CLNK: variants seen among roughly 807,000 people sequenced by gnomAD.
The protein encoded by CLNK is cytokine dependent hematopoietic cell linker, also known as cytokine-dependent hematopoietic cell linker.
CLNK carries 74 observed loss-of-function variants against 68.6 expected under a neutral mutation model. The observed-to-expected ratio is 1.08, with a 90% CI of 0.89 to 1.31. The LOEUF (loss-of-function observed/expected upper bound fraction) is 1.31, where lower values mean the gene tolerates loss of function less well. Among genes scored for constraint, CLNK ranks in the 50% most tolerant of loss-of-function variants. The probability of loss-of-function intolerance (pLI) is 0.00; values close to 1 mark genes in which losing one functional copy is unlikely to be tolerated. For missense variants in CLNK, 553 were observed against 515.3 expected (o/e 1.07, Z -0.71); for synonymous variants, 198 against 172.2 (o/e 1.15, Z -1.17).
upstream of CLNK, among the ~76,000 whole-genome samples, chr4:10,687,265 T>C (rs1269194940): frequency 4.0e-5 from 6 of 149,432 alleles, no homozygotes; most frequent in African/African-American, 1.5e-4. Context: ...AATAGAGAGG[T>C]ATTGAACAAG....
At chr4:10,648,463 T>C (rs1723598377) in intron 2 of CLNK, among the ~76,000 whole-genome samples, 1 of 152,206 alleles carries the variant, frequency 6.6e-6, no homozygotes, top group Non-Finnish European at 1.5e-5. Context: ...AGATTGGAAC[T>C]GTGGTCTGGT....
At chr4:10,676,696 AAGAT>A (rs1438741277) in intron 1 of CLNK, among the ~76,000 whole-genome samples, 6 of 152,162 alleles carry the variant, frequency 3.9e-5, no homozygotes, top group Non-Finnish European at 5.9e-5. Flanking sequence ...CTTTAGTGGT[AAGAT>A]TCTTTCTCTC....
chr4:10,569,046 G>T (rs1242812502), intron 5 of CLNK, among the ~76,000 whole-genome samples: 2 of 152,156 alleles, frequency 1.3e-5, no homozygotes, highest in Non-Finnish European at 2.9e-5. Context: ...TTGTGCTAAA[G>T]CTGACACCAT....
chr4:10,519,780 A>C (rs777675200), intron 15 of CLNK, among the ~76,000 whole-genome samples: 2 of 152,176 alleles, frequency 1.3e-5, no homozygotes, highest in Non-Finnish European at 2.9e-5. Flanking sequence ...AAAAAAGGAC[A>C]TTAAAATGTA....
the CLNK span, among the ~76,000 whole-genome samples, chr4:10,725,833 G>A: frequency 5.3e-5 from 8 of 150,790 alleles, no homozygotes; most frequent in Admixed American, 2.0e-4. Flanking sequence ...CAGCCTGGGC[G>A]ACAGAGGGAG....
intron 11 of CLNK, among the ~76,000 whole-genome samples, chr4:10,535,267 A>AAAGAAAGAAAGAAAC (rs1249333693): frequency 1.2e-5 from 1 of 82,678 alleles, no homozygotes. Context: ...AAGAAAGAAA[A>AAAGAAAGAAAGAAAC]AATGGAAAGC....
chr4:10,633,848 C>A (rs1722982209), intron 2 of CLNK, among the ~76,000 whole-genome samples: 1 of 152,192 alleles, frequency 6.6e-6, no homozygotes, highest in Non-Finnish European at 1.5e-5. Context: ...CCTATATCAG[C>A]CCTTTGTGGT....
At chr4:10,500,672 C>CAAA (rs11370372) in intron 18 of CLNK, among the ~76,000 whole-genome samples, 33 of 141,260 alleles carry the variant, frequency 2.3e-4, no homozygotes, top group African/African-American at 5.6e-4. Context: ...GTCTCTGTCT[C>CAAA]AAAAAAAAAA....
chr4:10,578,879 C>T (rs997083040), intron 4 of CLNK, among the ~76,000 whole-genome samples: 2 of 152,110 alleles, frequency 1.3e-5, no homozygotes, highest in African/African-American at 4.8e-5. Context: ...GCCAGTTTAC[C>T]TTATCTATAC....
chr4:10,516,271 A>G (rs1717832625), intron 15 of CLNK, among the ~76,000 whole-genome samples: 2 of 152,208 alleles, frequency 1.3e-5, no homozygotes, highest in Non-Finnish European at 2.9e-5. Flanking sequence ...GTGAATACAG[A>G]ATTATAAGCT....
intron 15 of CLNK, 35 bp from the exon 16 acceptor site, chr4:10,513,632 T>C (rs1452068060): frequency 6.4e-7 from 1 of 1,565,448 alleles, no homozygotes; most frequent in Non-Finnish European, 8.7e-7. Flanking sequence ...AGTGTGATTT[T>C]GTGACTGGTG....
intron 2 of CLNK, among the ~76,000 whole-genome samples, chr4:10,653,163 G>C (rs1419551259): frequency 6.6e-6 from 1 of 152,068 alleles, no homozygotes; most frequent in Admixed American, 6.6e-5. Flanking sequence ...ACACAGGGAG[G>C]TGAACATCAT....
intron 7 of CLNK, among the ~76,000 whole-genome samples, chr4:10,563,498 A>G (rs1286216975): frequency 6.6e-6 from 1 of 152,218 alleles, no homozygotes; most frequent in Admixed American, 6.5e-5. Context: ...ATACTTATGA[A>G]TGCTTGTTTA....
At chr4:10,653,916 G>C (rs562201181) in intron 2 of CLNK, among the ~76,000 whole-genome samples, 1 of 152,310 alleles carries the variant, frequency 6.6e-6, no homozygotes, top group East Asian at 1.9e-4. Flanking sequence ...AATTACTCAT[G>C]AGGGAATAGT....
intron 18 of CLNK, among the ~76,000 whole-genome samples, chr4:10,491,181 C>A (rs186332138): frequency 2.5e-4 from 38 of 152,354 alleles, no homozygotes; most frequent in African/African-American, 7.5e-4. Context: ...GCTCTTTAAA[C>A]TTCCTATACA....
chr4:10,516,270 G>T (rs2109042076), intron 15 of CLNK, among the ~76,000 whole-genome samples: 1 of 152,202 alleles, frequency 6.6e-6, no homozygotes, highest in Non-Finnish European at 1.5e-5. Context: ...TGTGAATACA[G>T]AATTATAAGC....
At chr4:10,505,198 C>T (rs1028400119) in intron 17 of CLNK, among the ~76,000 whole-genome samples, 1 of 152,182 alleles carries the variant, frequency 6.6e-6, no homozygotes, top group Non-Finnish European at 1.5e-5. Flanking sequence ...GGCCAGATTC[C>T]CTGGAAAGAG....
At chr4:10,522,566 C>T (rs557926944) in intron 14 of CLNK, among the ~76,000 whole-genome samples, 15 of 89,250 alleles carry the variant, frequency 1.7e-4, no homozygotes, top group African/African-American at 6.3e-4. Flanking sequence ...AAGAGTGAAA[C>T]TCTCTCAAAA....
intron 8 of CLNK, among the ~76,000 whole-genome samples, chr4:10,556,164 C>A (rs948130203): frequency 6.6e-6 from 1 of 152,196 alleles, no homozygotes. Context: ...AAACAGAGCA[C>A]TAACTTAATC....
Sources: allele counts gnomAD v4.1 joint callset (sites outside exome capture counted in the v4.1 genomes callset), GRCh38; gene constraint gnomAD v4.1.1; transcripts MANE v1.5; gene names NCBI Gene and HGNC (gene_info 2026-07-23, HGNC 2026-07-21).